MEPE: variants seen among roughly 807,000 people sequenced by gnomAD.
MEPE encodes the protein matrix, extracellular phosphoglycoprotein with ASARM motif (bone).
Under a neutral mutation model 7.3 loss-of-function variants are expected in MEPE, and 7 were observed. That is an observed-to-expected ratio of 0.95 (90% CI 0.54 to 1.79). MEPE has a LOEUF of 1.79. MEPE is among the 40% of genes most tolerant of loss of function. MEPE has a pLI of 0.00. For synonymous variants in MEPE, 214 were observed against 213.1 expected (o/e 1.00, Z -0.04); for missense variants, 623 against 628.2 (o/e 0.99, Z 0.09).
chr4:87,831,553 T>C (rs1453916722), upstream of MEPE, among the ~76,000 whole-genome samples: 1 of 152,142 alleles, frequency 6.6e-6, no homozygotes, highest in African/African-American at 2.4e-5. Flanking sequence ...GCCTCCATCA[T>C]CTCTGGCTGG....
In MEPE at chr4:87,845,025, A is replaced by G; in HGVS notation, c.157A>G (p.Arg53Gly). Reference sequence around the variant, plus strand: ...TATTGGTTTTCACCATTTGGGCAAGAGAATAAATCAAGAGCTATCATCTAA... The same window carrying G: ...TATTGGTTTTCACCATTTGGGCAAGGGAATAAATCAAGAGCTATCATCTAA... ...DNIGFHHLGK[R>G]INQELSSKEN... The change falls in exon 4 of 4, where the codon AGA becomes GGA. Residue 53 changes from arginine (R) to glycine (G), a missense_variant. By Grantham distance (125) the Arg-to-Gly change is moderately radical (BLOSUM62 -2). Transcript: ENST00000361056. The G allele has an allele frequency of 6.2e-7, 1 of 1,600,742 alleles. No individual in the cohort carries two copies. The highest frequency in any genetic ancestry group is 8.5e-7 in the Non-Finnish European group (1 of 1,176,184).
rs575457907 is a variant in MEPE at position 87,823,236 on chromosome 4, C to T, written c.-13+1765C>T. ...TGGGTGGATGGTCTGTAGGTATCAG[C>T]GTGGCCACAGTGTAACTGCTTCTCA... On this transcript the variant is annotated intron_variant, in intron 1 of 3. Transcript: ENST00000424957. Among the ~76,000 whole-genome samples, 76 of 152,300 alleles carry T rather than the reference C, an allele frequency of 5.0e-4. No individual in the cohort carries two copies. In the South Asian group the frequency reaches 0.015, roughly 30 times the overall value.
chr4:87,829,584 A>T (rs727420), upstream of MEPE, among the ~76,000 whole-genome samples: 36,087 of 152,136 alleles, frequency 0.24, 4,595 homozygotes, highest in Non-Finnish European at 0.27. Flanking sequence ...TGTTTGCTCT[A>T]TAACTGGATC....
In MEPE at chr4:87,846,013, A is replaced by C; in HGVS notation, c.1145A>C (p.Lys382Thr). 1.2e-6 allele frequency: 2 copies of C among 1,614,038 alleles called. No individual in the cohort carries two copies. Among genetic ancestry groups the C allele is most frequent in the Middle Eastern group, 3.3e-4 (2 of 6,062 alleles). The change falls in exon 4 of 4, where the codon AAA (lysine) becomes ACA (threonine). Residue 382 changes from lysine (K) to threonine (T), a missense_variant. Transcript: ENST00000361056. ...FHYPPAPSKE[K>T]RKEGSSDAAE... ...TACCCTCCTGCACCCTCAAAAGAGA[A>C]AAGAAAAGAAGGCAGTAGTGATGCA...
chr4:87,839,854 C>G lies in MEPE; in HGVS notation c.108+1169C>G, dbSNP rs975031886. 118 of 1,543,636 alleles carry G rather than the reference C, an allele frequency of 7.6e-5. No homozygotes were observed. In the African/African-American group the frequency reaches 1.1e-3, roughly 15 times the overall value. On this transcript the variant is annotated intron_variant, in intron 3 of 3. Transcript: ENST00000361056. ...GCCCTAGAGGAAAATGTAGGGGAGG[C>G]AAAGTTTACTTTTGCTTGCTCTGGG...
chr4:87,846,394 A>C lies in MEPE; in HGVS notation c.1526A>C (p.Asp509Ala). 6.2e-7 allele frequency: 1 copy of C among 1,614,070 alleles called. No individual in the cohort carries two copies. The highest frequency in any genetic ancestry group is 8.5e-7 in the Non-Finnish European group (1 of 1,179,942). ...AGGTTTAGTTCCCGTAGAAGGGATG[A>C]CAGTAGTGAGTCATCTGACAGTGGC... ...NRRFSSRRRD[D>A]SSESSDSGSS... The change falls in exon 4 of 4, where the codon GAC (aspartate) becomes GCC (alanine). Residue 509 changes from aspartate (D) to alanine (A), a missense_variant. Transcript: ENST00000361056.
upstream of MEPE, among the ~76,000 whole-genome samples, chr4:87,828,022 C>G (rs140722699): frequency 7.2e-4 from 109 of 152,282 alleles, 1 homozygote; most frequent in African/African-American, 2.5e-3. Context: ...TATTGATACT[C>G]ATGAATGAAC....
At chr4:87,843,949 A>C (rs945588947) in intron 3 of MEPE, among the ~76,000 whole-genome samples, 6 of 152,194 alleles carry the variant, frequency 3.9e-5, no homozygotes, top group Admixed American at 6.5e-5. Context: ...GCCCTGCTTC[A>C]TTCTAAAATG....
At position 87,842,545 on chromosome 4, in the gene MEPE, G is replaced by A. The variant is rs369889739; in HGVS notation, c.109-2432G>A. Among the ~76,000 whole-genome samples the A allele has an allele frequency of 3.9e-4, 59 of 152,256 alleles. 1 individual carries two copies. The highest frequency in any genetic ancestry group is 1.3e-3 in the African/African-American group (53 of 41,548). On this transcript the variant is annotated intron_variant, in intron 3 of 3. Coordinates refer to ENST00000361056, the MANE Select transcript of MEPE (RefSeq NM_020203.6). ...GTCGATCAGGCCACATCAGAGTCAAGGTCTGATTTGGAACCCCACAAACAA... is the reference window on the plus strand; with the variant it reads ...GTCGATCAGGCCACATCAGAGTCAAAGTCTGATTTGGAACCCCACAAACAA...
chr4:87,821,466 A>T (rs1414633426), exon 1 of MEPE: 1 of 152,206 alleles, frequency 6.6e-6, no homozygotes, highest in African/African-American at 2.4e-5. Flanking sequence ...AGGAAAAGGT[A>T]GACTGGTAAG....
At chr4:87,843,530 C>A (rs1723093880) in intron 3 of MEPE, among the ~76,000 whole-genome samples, 1 of 151,904 alleles carries the variant, frequency 6.6e-6, no homozygotes, top group Non-Finnish European at 1.5e-5. Flanking sequence ...TTTCATATTA[C>A]TCATCAATTC....
Position 87,845,650 on chromosome 4 carries a change from C to A in MEPE, c.782C>A (p.Pro261His), listed in dbSNP as rs769248046. ...TCTCCTTTCAGTGGGGACGGCCAAC[C>A]TTTTAAGGACATTCCTGGTAAAGGA... Reference protein sequence around the residue: ...DISPFSGDGQPFKDIPGKGEA... With the variant: ...DISPFSGDGQHFKDIPGKGEA... Residue 261 changes from proline (P) to histidine (H), a missense_variant, in exon 4 of 4, where the codon CCT becomes CAT. Pro to His is a moderately conservative substitution (Grantham distance 77). Coordinates refer to ENST00000361056, the MANE Select transcript of MEPE (RefSeq NM_020203.6). 1.5e-5 allele frequency: 24 copies of A among 1,613,704 alleles called. No homozygotes were observed. The highest frequency in any genetic ancestry group is 1.9e-5 in the Non-Finnish European group (23 of 1,179,942).
At chr4:87,827,224 C>T (rs1422625750) in intron 1 of MEPE, among the ~76,000 whole-genome samples, 1 of 152,148 alleles carries the variant, frequency 6.6e-6, no homozygotes, top group African/African-American at 2.4e-5. Context: ...CACACAGAAC[C>T]TTGAGAGAAA....
chr4:87,825,410 C>T (rs1201778910), intron 1 of MEPE, among the ~76,000 whole-genome samples: 3 of 152,244 alleles, frequency 2.0e-5, no homozygotes, highest in East Asian at 1.9e-4. Context: ...GAATTACACC[C>T]GGGGTATGTC....
chr4:87,839,994 G>A (rs759005068), intron 3 of MEPE: 91 of 1,535,196 alleles, frequency 5.9e-5, no homozygotes, highest in Non-Finnish European at 7.2e-5. Flanking sequence ...CCCATGCCTC[G>A]GCCCACATCT....
intron 1 of MEPE, among the ~76,000 whole-genome samples, chr4:87,826,229 T>C (rs977392559): frequency 1.3e-5 from 2 of 151,752 alleles, no homozygotes; most frequent in Admixed American, 6.6e-5. Context: ...ATATTCTTTT[T>C]TTTTTTTTGA....
Position 87,846,697 on chromosome 4 carries a change from G to A in MEPE, c.*251G>A. The A allele has an allele frequency of 2.4e-6, 1 of 410,078 alleles. No homozygotes were observed. The highest frequency in any genetic ancestry group is 4.3e-6 in the Non-Finnish European group (1 of 232,068). 25.4% of individuals were successfully genotyped at this position (410,078 alleles called of 1,614,324 possible). ...GATCTATGAAATAGGTAACATTTGA[G>A]TAGGTGTCATTTAAAAATAGTTGGT... On this transcript the variant is annotated 3_prime_UTR_variant, in exon 4 of 4. Transcript: ENST00000361056.
In MEPE at chr4:87,845,606, G is replaced by C. The variant is rs1723202256; in HGVS notation, c.738G>C (p.Glu246Asp). Residue 246 changes from glutamate to aspartate, a missense_variant, in exon 4 of 4, where the codon GAG becomes GAC. Physicochemically the swap from Glu to Asp is conservative, Grantham distance 45 (BLOSUM62 2). Transcript: ENST00000361056. The part of the protein sequence containing the change: ...FEGSGYTDLQ[E>D]RGDNDISPFS... ...GCAGCGGTTATACAGATCTTCAAGA[G>C]AGAGGGGACAATGATATATCTCCTT... 6.2e-7 allele frequency: 1 copy of C among 1,613,632 alleles called. No homozygotes were observed. The highest frequency in any genetic ancestry group is 2.2e-5 in the East Asian group (1 of 44,888).
At chr4:87,822,046 T>A (rs1039685976) in intron 1 of MEPE, among the ~76,000 whole-genome samples, 1 of 152,008 alleles carries the variant, frequency 6.6e-6, no homozygotes, top group Non-Finnish European at 1.5e-5. Flanking sequence ...CAGCACTGTC[T>A]TTCTCCAATG....
Sources: allele counts gnomAD v4.1 joint callset (sites outside exome capture counted in the v4.1 genomes callset), GRCh38; gene constraint gnomAD v4.1.1; transcripts MANE v1.5; gene names NCBI Gene and HGNC (gene_info 2026-07-23, HGNC 2026-07-21).